STAT4: variants seen among roughly 807,000 people sequenced by gnomAD.
STAT4 encodes the protein signal transducer and activator of transcription 4.
Under a neutral mutation model 110.5 loss-of-function variants are expected in STAT4, and 42 were observed. The observed-to-expected ratio is 0.38, with a 90% CI of 0.30 to 0.49. The LOEUF (loss-of-function observed/expected upper bound fraction) is 0.49. Ranked by LOEUF, STAT4 falls within the 20% of genes least tolerant of loss-of-function variation. The pLI is 0.95. For synonymous variants in STAT4, 284 were observed against 302.2 expected, an observed-to-expected ratio of 0.94 and a Z score of 0.63; for missense variants, 632 against 887.9, an observed-to-expected ratio of 0.71 and a Z score of 3.66.
intron 15 of STAT4, among the ~76,000 whole-genome samples, chr2:191,040,199 T>C (rs1281367803): frequency 1.3e-5 from 2 of 152,232 alleles, no homozygotes; most frequent in Non-Finnish European, 2.9e-5. Context: ...AGTCAATTCA[T>C]GTTCAATTTA....
chr2:191,119,980 G>T (rs949557224), intron 3 of STAT4, among the ~76,000 whole-genome samples: 1 of 152,172 alleles, frequency 6.6e-6, no homozygotes, highest in African/African-American at 2.4e-5. Flanking sequence ...TTTGGCTAAG[G>T]TCAAGTGTAG....
At chr2:191,148,038 T>C in intron 2 of STAT4, 38 bp downstream of exon 2, 2 of 1,612,510 alleles carry the variant, frequency 1.2e-6, no homozygotes, top group Non-Finnish European at 1.7e-6. Context: ...ATCAGACATT[T>C]GTGCATCAAC....
chr2:191,124,403 C>T (rs1466676888), intron 3 of STAT4, among the ~76,000 whole-genome samples: 3 of 147,244 alleles, frequency 2.0e-5, no homozygotes, highest in Admixed American at 7.0e-5. Flanking sequence ...TGCAGTGAGC[C>T]GAGATAGCAC....
intron 3 of STAT4, among the ~76,000 whole-genome samples, chr2:191,115,967 A>G (rs1698559131): frequency 6.6e-6 from 1 of 152,226 alleles, no homozygotes; most frequent in South Asian, 2.1e-4. Flanking sequence ...AACTATATCT[A>G]TTCTACATTA....
In STAT4 at chr2:191,039,763, A is replaced by T. The variant is rs2125160741; in HGVS notation, c.1336-466T>A. Among the ~76,000 whole-genome samples the T allele has an allele frequency of 6.6e-6, 1 of 152,336 alleles. No homozygotes were observed. The highest frequency in any genetic ancestry group is 2.1e-4 in the South Asian group (1 of 4,830). On this transcript the variant is annotated intron_variant, in intron 15 of 23. Coordinates refer to ENST00000392320, the MANE Select transcript of STAT4 (RefSeq NM_003151.4). This position sits in a 1 kb window ranked among gnomAD's most constrained non-coding sequence, Gnocchi z 4.7. ...TGGAAGTGGGAGGTTTCTATTGTAA[A>T]AATAGGAGAGATAAGCTATGGGAGA...
intron 5 of STAT4, among the ~76,000 whole-genome samples, chr2:191,072,122 G>A (rs568218626): frequency 2.6e-5 from 4 of 152,228 alleles, no homozygotes; most frequent in East Asian, 3.9e-4. Context: ...AGATCTGCTC[G>A]GGGGTCCAAA....
At chr2:191,130,869 T>C (rs1699016453) in intron 3 of STAT4, among the ~76,000 whole-genome samples, 1 of 151,734 alleles carries the variant, frequency 6.6e-6, no homozygotes, top group Admixed American at 6.6e-5. Context: ...AATGGATTAC[T>C]TAGATATGAA....
At position 191,082,433 on chromosome 2, in the gene STAT4, T is replaced by C. The variant is rs1452133867; in HGVS notation, c.274-6108A>G. 2.6e-5 allele frequency among the ~76,000 whole-genome samples: 4 copies of C among 152,242 alleles called. No individual in the cohort carries two copies. The highest frequency in any genetic ancestry group is 9.6e-5 in the African/African-American group (4 of 41,460). ...GCACCAACAGTGCACATAATTCGAT[T>C]GAAGTGACAACAACATGATAGCTTT... On this transcript the variant is annotated intron_variant, in intron 3 of 23. Coordinates refer to ENST00000392320, the MANE Select transcript of STAT4 (RefSeq NM_003151.4). The surrounding 1 kb of genome is among the most constrained non-coding windows in gnomAD (Gnocchi z 4.7).
chr2:191,122,640 A>G (rs73982620), intron 3 of STAT4, among the ~76,000 whole-genome samples: 1,949 of 152,360 alleles, frequency 0.013, 51 homozygotes, highest in African/African-American at 0.045. Flanking sequence ...AATAAATTGT[A>G]CTATAGTTAT....
chr2:191,108,452 C>A (rs1698340779), intron 3 of STAT4, among the ~76,000 whole-genome samples: 2 of 152,104 alleles, frequency 1.3e-5, no homozygotes, highest in South Asian at 4.1e-4. Flanking sequence ...CTTTCACTTG[C>A]ACATATGATG....
chr2:191,096,422 C>G (rs141064643), intron 3 of STAT4, among the ~76,000 whole-genome samples: 1 of 152,246 alleles, frequency 6.6e-6, no homozygotes, highest in African/African-American at 2.4e-5. Flanking sequence ...TTATCCACCA[C>G]GATCAAGTTG....
At chr2:191,129,110 A>C (rs1052756585) in intron 3 of STAT4, among the ~76,000 whole-genome samples, 2 of 152,234 alleles carry the variant, frequency 1.3e-5, no homozygotes, top group Non-Finnish European at 2.9e-5. Context: ...TTTGCTGACT[A>C]AATAAAATTT....
In STAT4 at chr2:191,138,183, A is replaced by G. The variant is rs992769154; in HGVS notation, c.273+8430T>C. ...ACAGTAAAAACCAAATAATCCCATT[A>G]AAAAGTGGGCAAAAATATGAATAGA... On this transcript the variant is annotated intron_variant, in intron 3 of 23. Transcript: ENST00000392320. This position sits in a 1 kb window ranked among gnomAD's most constrained non-coding sequence, Gnocchi z 4.3. 1.3e-5 allele frequency among the ~76,000 whole-genome samples: 2 copies of G among 152,186 alleles called. No homozygotes were observed. The highest frequency in any genetic ancestry group is 4.8e-5 in the African/African-American group (2 of 41,452).
chr2:191,063,005 C>A, intron 8 of STAT4, 85 bp from the exon 9 acceptor site: 2 of 1,022,990 alleles, frequency 2.0e-6, no homozygotes, highest in Non-Finnish European at 2.7e-6. Context: ...AGTTAATAAA[C>A]ATTAAATTAT....
intron 3 of STAT4, among the ~76,000 whole-genome samples, chr2:191,093,838 C>T (rs1434949149): frequency 6.6e-6 from 1 of 152,066 alleles, no homozygotes; most frequent in Non-Finnish European, 1.5e-5. Context: ...AGCTAAAAAC[C>T]TTGAAAAAAG....
chr2:191,103,776 A>G (rs1238070043), intron 3 of STAT4, among the ~76,000 whole-genome samples: 1 of 152,192 alleles, frequency 6.6e-6, no homozygotes, highest in Non-Finnish European at 1.5e-5. Context: ...GTGGTTTTCT[A>G]TATTTCCCTT....
intron 3 of STAT4, among the ~76,000 whole-genome samples, chr2:191,123,122 T>C (rs550091938): frequency 1.8e-4 from 27 of 152,120 alleles, no homozygotes; most frequent in African/African-American, 2.4e-4. Context: ...TGAAACAGAG[T>C]GTGCAGTGAA....
Position 191,107,766 on chromosome 2 carries a change from C to CATACATACCATACCTG in STAT4, c.274-31442_274-31441insCAGGTATGGTATGTAT, listed in dbSNP as rs1698320027. Among the ~76,000 whole-genome samples, 1 of 152,210 alleles carries CATACATACCATACCTG rather than the reference C, an allele frequency of 6.6e-6. No individual in the cohort carries two copies. The highest frequency in any genetic ancestry group is 1.5e-5 in the Non-Finnish European group (1 of 68,042). ...CAACCCAGATTACTACCATACCTTC[C>CATACATACCATACCTG]TGATGTCCTAACGTATGGTCACAGG... is the stretch of plus-strand genomic sequence containing the variant. On this transcript the variant is annotated intron_variant, in intron 3 of 23. Transcript: ENST00000392320. This position sits in a 1 kb window ranked among gnomAD's most constrained non-coding sequence, Gnocchi z 4.2.
upstream of STAT4, chr2:191,151,027 C>T: frequency 1.0e-6 from 1 of 985,600 alleles, no homozygotes; most frequent in Non-Finnish European, 1.2e-6. This position sits in a 1 kb window ranked among gnomAD's most constrained non-coding sequence, Gnocchi z 4.7. Context: ...AGGAGAAAGC[C>T]GCTGACGCCA....
Sources: allele counts gnomAD v4.1 joint callset (sites outside exome capture counted in the v4.1 genomes callset), GRCh38; gene constraint gnomAD v4.1.1; non-coding constraint Gnocchi (gnomAD v3.1); transcripts MANE v1.5; gene names NCBI Gene and HGNC (gene_info 2026-07-23, HGNC 2026-07-21).